Variants in MAGT1 observed in about 807,000 individuals in gnomAD.
MAGT1 encodes dolichyl-diphosphooligosaccharide--protein glycosyltransferase subunit MAGT1.
Under a neutral mutation model 28.4 loss-of-function variants are expected in MAGT1, and 4 were observed. That is an observed-to-expected ratio of 0.14 (90% confidence interval 0.07 to 0.32). MAGT1 has a LOEUF of 0.32. MAGT1 is among the 10% of genes least tolerant of loss of function. The pLI is 1.00. For synonymous variants in MAGT1, 89 were observed against 89.7 expected, an observed-to-expected ratio of 0.99 and a Z score of 0.04; for missense variants, 193 against 264.5, an observed-to-expected ratio of 0.73 and a Z score of 1.88.
At chrX:77,836,944 T>C (rs2076920532) in intron 8 of MAGT1, among the ~76,000 whole-genome samples, 1 of 111,754 alleles carries the variant, frequency 8.9e-6, no homozygotes, top group East Asian at 2.8e-4. Flanking sequence ...ATATACAGCA[T>C]CACTCTGTAT....
intron 6 of MAGT1, among the ~76,000 whole-genome samples, chrX:77,854,491 AGTT>A (rs782218558): frequency 3.4e-4 from 38 of 111,081 alleles, no homozygotes; most frequent in Non-Finnish European, 5.3e-4. Flanking sequence ...TCAGAAAACT[AGTT>A]GTTGTTGTTG....
At position 77,830,843 on chromosome X, in the gene MAGT1, G is replaced by A. The variant is rs1557213313; in HGVS notation, c.954C>T (p.Leu318=). 11 of 1,159,159 alleles carry A rather than the reference G, an allele frequency of 9.5e-6. No homozygotes were observed. Among genetic ancestry groups the A allele is most frequent in the Admixed American group, 2.3e-5 (1 of 43,304 alleles). The change falls in exon 9 of 10, where the codon CTC becomes CTT. Residue 318 remains leucine, a synonymous_variant. Coordinates refer to ENST00000618282, the MANE Select transcript of MAGT1 (RefSeq NM_001367916.1). ...GLVVLFFSWM[L]SIFRSKYHGY... ...CATGATATTTAGATCTAAAAATAGA[G>A]AGCATCCAACTGAAGAATAATACAA... is the stretch of plus-strand genomic sequence containing the variant.
At chrX:77,854,312 T>C (rs1167928411) in intron 6 of MAGT1, among the ~76,000 whole-genome samples, 1 of 110,984 alleles carries the variant, frequency 9.0e-6, no homozygotes, top group Non-Finnish European at 1.9e-5. Flanking sequence ...TAGATGGGAC[T>C]ACAAGTATGC....
chrX:77,837,235 C>T (rs782733926), intron 8 of MAGT1: 1 of 110,737 alleles, frequency 9.0e-6, no homozygotes, highest in South Asian at 3.8e-4. Context: ...CGCCTGATCT[C>T]GTAAAAAGTC....
At chrX:77,832,852 AAAG>A (rs2076903087) in intron 8 of MAGT1, among the ~76,000 whole-genome samples, 1 of 109,274 alleles carries the variant, frequency 9.2e-6, no homozygotes, top group Admixed American at 1.0e-4. Flanking sequence ...AAAAAAAAGA[AAAG>A]AAAAGAAAAT....
chrX:77,872,186 G>A (rs1305103865), intron 2 of MAGT1, among the ~76,000 whole-genome samples: 1 of 109,700 alleles, frequency 9.1e-6, no homozygotes, highest in Non-Finnish European at 1.9e-5. Flanking sequence ...GGGATTACAG[G>A]TGCCCACCAT....
chrX:77,832,588 T>C (rs1265058791), intron 8 of MAGT1, among the ~76,000 whole-genome samples: 1 of 110,228 alleles, frequency 9.1e-6, no homozygotes, highest in Non-Finnish European at 1.9e-5. Context: ...CCCAGCACTC[T>C]GGGAGGCCAA....
intron 3 of MAGT1, among the ~76,000 whole-genome samples, chrX:77,860,331 G>T (rs1015985633): frequency 2.9e-4 from 32 of 110,116 alleles, no homozygotes; most frequent in Admixed American, 2.9e-4. Flanking sequence ...CAAGTGATCC[G>T]CCTGCCTCAG....
In MAGT1 at chrX:77,851,421, T is replaced by C. The variant is rs571978274; in HGVS notation, c.826+2480A>G. 4.6e-5 allele frequency among the ~76,000 whole-genome samples: 5 copies of C among 108,609 alleles called. No individual in the cohort carries two copies. The South Asian group carries it at 2.0e-3, about 44-fold the overall frequency. 94.3% of individuals were successfully genotyped at this position (108,609 alleles called of 115,157 possible). A position where few individuals can be genotyped will look rare whatever the true frequency, so the allele number is the denominator to read the frequency against. ...CAGAGTCTCACTCTGTTGCCCAGGATGGAGTCCAGTGGTACCATCTCGGCT... is the reference window on the plus strand; with the variant it reads ...CAGAGTCTCACTCTGTTGCCCAGGACGGAGTCCAGTGGTACCATCTCGGCT... On this transcript the variant is annotated intron_variant, in intron 7 of 9. Transcript: ENST00000618282.
chrX:77,863,265 T>C (rs1262188608), intron 3 of MAGT1, among the ~76,000 whole-genome samples: 1 of 105,549 alleles, frequency 9.5e-6, no homozygotes, highest in African/African-American at 3.5e-5. Context: ...GTAATCCCAG[T>C]ACTTTGGGAG....
intron 8 of MAGT1, among the ~76,000 whole-genome samples, chrX:77,832,223 A>G (rs2076900504): frequency 9.0e-6 from 1 of 111,434 alleles, no homozygotes; most frequent in South Asian, 3.7e-4. Flanking sequence ...AAGCTCTTTC[A>G]ATCCCCGGAC....
chrX:77,829,907 C>T (rs2076892984), intron 9 of MAGT1, among the ~76,000 whole-genome samples: 1 of 112,310 alleles, frequency 8.9e-6, no homozygotes, highest in Non-Finnish European at 1.9e-5. Flanking sequence ...TTCTAGAATA[C>T]ATATGAGATT....
intron 6 of MAGT1, among the ~76,000 whole-genome samples, chrX:77,855,276 G>A (rs1432419982): frequency 1.8e-5 from 2 of 110,275 alleles, no homozygotes; most frequent in African/African-American, 6.6e-5. Context: ...TCACGCCATT[G>A]CACTCCAGCC....
At chrX:77,845,301 T>G (rs1243072047) in intron 7 of MAGT1, among the ~76,000 whole-genome samples, 1 of 111,555 alleles carries the variant, frequency 9.0e-6, no homozygotes, top group African/African-American at 3.3e-5. Flanking sequence ...TGGTAGATCT[T>G]CCTCCATCCC....
chrX:77,873,386 A>T (rs1196378229), intron 2 of MAGT1, among the ~76,000 whole-genome samples: 1 of 112,130 alleles, frequency 8.9e-6, no homozygotes, highest in African/African-American at 3.2e-5. Context: ...TTTTTACTAA[A>T]CTAATTCTTC....
chrX:77,828,992 T>C lies in MAGT1; in HGVS notation c.*228A>G, dbSNP rs186051857. The C allele has an allele frequency of 2.8e-6, 1 of 351,494 alleles. No homozygotes were observed. The highest frequency in any genetic ancestry group is 4.6e-5 in the East Asian group (1 of 21,818). 29.0% of individuals were successfully genotyped at this position (351,494 alleles called of 1,213,427 possible). A position where few individuals can be genotyped will look rare whatever the true frequency, so the allele number is the denominator to read the frequency against. ...AAATTAAATGTTCCATAAAGTTCAC[T>C]GGGAAGAGAAGGTTAAGAGGATAAT... On this transcript the variant is annotated 3_prime_UTR_variant, in exon 10 of 10. Transcript: ENST00000618282.
At chrX:77,874,401 T>C (rs1282043452) in intron 2 of MAGT1, among the ~76,000 whole-genome samples, 1 of 106,683 alleles carries the variant, frequency 9.4e-6, no homozygotes, top group African/African-American at 3.4e-5. Flanking sequence ...ATCGAGTCCA[T>C]CCTGGCCAAC....
intron 2 of MAGT1, among the ~76,000 whole-genome samples, chrX:77,874,309 C>A (rs1182675983): frequency 2.0e-5 from 2 of 101,960 alleles, no homozygotes; most frequent in African/African-American, 7.1e-5. Flanking sequence ...AAAAAAAAAA[C>A]ATTACCAGCT....
At chrX:77,858,195 ATTTG>A (rs1399065996) in intron 3 of MAGT1, among the ~76,000 whole-genome samples, 7 of 110,841 alleles carry the variant, frequency 6.3e-5, no homozygotes, top group Non-Finnish European at 1.1e-4. Flanking sequence ...TTATTTATTT[ATTTG>A]TTTATTTTTG....
Sources: gnomAD v4.1 joint callset for allele counts (sites outside exome capture counted in the v4.1 genomes callset) on GRCh38, gnomAD v4.1.1 for gene constraint, MANE v1.5 for transcripts, NCBI Gene and HGNC (gene_info 2026-07-23, HGNC 2026-07-21) for gene names.